The following SLC35F3 variants were observed in gnomAD, a reference collection of about 807,000 sequenced individuals.
SLC35F3 encodes solute carrier family 35 member F3, also known as putative thiamine transporter SLC35F3.
Under a neutral mutation model 49.9 loss-of-function variants are expected in SLC35F3, and 25 were observed. The ratio of observed to expected loss-of-function variants is 0.50; its 90% confidence interval spans 0.37 to 0.70. The LOEUF (loss-of-function observed/expected upper bound fraction) is 0.70, where lower values mean the gene tolerates loss of function less well. Among genes scored for constraint, SLC35F3 ranks in the 30% least tolerant of loss-of-function variants. The pLI is 0.00. For synonymous variants in SLC35F3, 275 were observed against 265.4 expected (o/e 1.04, Z -0.35); for missense variants, 525 against 639.8 (o/e 0.82, Z 1.94).
rs1205201496 is a variant in SLC35F3, at chr1:234,027,968, A to G, written c.283+122210A>G. On this transcript the variant is annotated intron_variant, in intron 2 of 7. Coordinates refer to ENST00000366618, the MANE Select transcript of SLC35F3 (RefSeq NM_173508.4). This position sits in a 1 kb window ranked among gnomAD's most constrained non-coding sequence, Gnocchi z 4.1. ...AATTCAGGAGGGGAATCGATCGCAC[A>G]GGAGTAAAGTATCAAATTTGGCCAG... Among the ~76,000 whole-genome samples the G allele has an allele frequency of 6.6e-6, 1 of 152,198 alleles. No individual in the cohort carries two copies. The highest frequency in any genetic ancestry group is 6.5e-5 in the Admixed American group (1 of 15,274).
intron 2 of SLC35F3, among the ~76,000 whole-genome samples, chr1:234,125,985 C>T (rs752402265): frequency 1.3e-5 from 2 of 152,146 alleles, no homozygotes; most frequent in African/African-American, 4.8e-5. Flanking sequence ...CAAGGAGCTC[C>T]GCCGCTCTAG....
At chr1:234,170,546 C>T (rs1053699896) in intron 2 of SLC35F3, among the ~76,000 whole-genome samples, 1 of 151,972 alleles carries the variant, frequency 6.6e-6, no homozygotes, top group African/African-American at 2.4e-5. Flanking sequence ...AAGACAACCC[C>T]GAGTAAGACC....
At chr1:234,087,247 C>T (rs1664974793) in intron 2 of SLC35F3, among the ~76,000 whole-genome samples, 1 of 152,202 alleles carries the variant, frequency 6.6e-6, no homozygotes, top group Admixed American at 6.5e-5. Context: ...TTCTTGCCCA[C>T]CTTTAGAACC....
chr1:234,252,989 A>G (rs1390200702), intron 3 of SLC35F3, among the ~76,000 whole-genome samples: 2 of 152,220 alleles, frequency 1.3e-5, no homozygotes, highest in Non-Finnish European at 2.9e-5. Flanking sequence ...TTCAACAATC[A>G]GGAACTGGCT....
chr1:234,213,845 C>T (rs1667074950), intron 2 of SLC35F3: 1 of 152,350 alleles, frequency 6.6e-6, no homozygotes, highest in African/African-American at 2.4e-5. Flanking sequence ...AAATAGCTGT[C>T]CACGGGGCCA....
At chr1:234,106,984 C>T (rs1249151859) in intron 2 of SLC35F3, among the ~76,000 whole-genome samples, 1 of 152,198 alleles carries the variant, frequency 6.6e-6, no homozygotes, top group East Asian at 1.9e-4. Context: ...TCTCCATTGG[C>T]AATATTAACA....
intron 6 of SLC35F3, among the ~76,000 whole-genome samples, chr1:234,319,503 G>A (rs923311313): frequency 6.6e-6 from 1 of 152,072 alleles, no homozygotes. Flanking sequence ...AGGAGTTCGA[G>A]ACCAGCCTGG....
intron 2 of SLC35F3, among the ~76,000 whole-genome samples, chr1:234,015,116 C>A (rs537074908): frequency 2.0e-5 from 3 of 152,146 alleles, no homozygotes; most frequent in Admixed American, 6.5e-5. Context: ...GAGGCCGAGG[C>A]GGGTGCATCA....
At chr1:233,932,430 A>T (rs1381770535) in intron 2 of SLC35F3, among the ~76,000 whole-genome samples, 1 of 152,174 alleles carries the variant, frequency 6.6e-6, no homozygotes, top group East Asian at 1.9e-4. Flanking sequence ...TATAAAGTTC[A>T]AAAACTAGCA....
Position 234,286,835 on chromosome 1 carries a change from CGTT to C in SLC35F3, c.609-22263_609-22261del, listed in dbSNP as rs1052086468. 5.3e-5 allele frequency among the ~76,000 whole-genome samples: 8 copies of C among 152,166 alleles called. 1 individual carries two copies. The highest frequency in any genetic ancestry group is 1.7e-4 in the African/African-American group (7 of 41,428). The stretch of plus-strand genomic sequence containing the variant: ...CATGACAAAGGCGGATTTCCTCAAA[CGTT>C]GTGAGTTTTGCGTTAGTTCAAAAAT... On this transcript the variant is annotated intron_variant, in intron 3 of 7. Coordinates refer to ENST00000366618, the MANE Select transcript of SLC35F3 (RefSeq NM_173508.4).
intron 3 of SLC35F3, among the ~76,000 whole-genome samples, chr1:234,299,799 C>A (rs1262738052): frequency 4.3e-5 from 3 of 70,202 alleles, no homozygotes; most frequent in African/African-American, 7.2e-5. Context: ...AGCAAGACTC[C>A]ATCTCAAAAA....
intron 2 of SLC35F3, among the ~76,000 whole-genome samples, chr1:233,928,860 C>T (rs758018256): frequency 2.1e-4 from 32 of 151,894 alleles, no homozygotes; most frequent in Admixed American, 6.6e-5. Context: ...GGCAACTTAC[C>T]CTGATCTGAT....
chr1:233,997,729 C>G (rs1163417189), intron 2 of SLC35F3, among the ~76,000 whole-genome samples: 1 of 151,960 alleles, frequency 6.6e-6, no homozygotes, highest in Non-Finnish European at 1.5e-5. Flanking sequence ...GAATGAACAA[C>G]TGCTAACATG....
intron 2 of SLC35F3, among the ~76,000 whole-genome samples, chr1:234,148,311 C>G (rs1666026298): frequency 6.6e-6 from 1 of 152,214 alleles, no homozygotes; most frequent in Non-Finnish European, 1.5e-5. Flanking sequence ...ACTTTTCAGC[C>G]ATTTCTCACT....
At chr1:234,136,084 A>G (rs1572064849) in intron 2 of SLC35F3, among the ~76,000 whole-genome samples, 1 of 152,200 alleles carries the variant, frequency 6.6e-6, no homozygotes. Flanking sequence ...TCTGGTTTTC[A>G]GAGATGTTTA....
At chr1:234,230,763 C>G (rs1344898487) in intron 2 of SLC35F3, among the ~76,000 whole-genome samples, 1 of 152,190 alleles carries the variant, frequency 6.6e-6, no homozygotes, top group Non-Finnish European at 1.5e-5. Context: ...TTAAGTAAAG[C>G]TTCGAAGTGG....
intron 2 of SLC35F3, among the ~76,000 whole-genome samples, chr1:233,962,975 A>G (rs548234090): frequency 6.6e-6 from 1 of 152,292 alleles, no homozygotes; most frequent in South Asian, 2.1e-4. Context: ...AGCAACAGTG[A>G]ATTTTGTGCA....
chr1:233,963,013 G>A (rs1413852111), intron 2 of SLC35F3, among the ~76,000 whole-genome samples: 1 of 152,176 alleles, frequency 6.6e-6, no homozygotes, highest in Non-Finnish European at 1.5e-5. Context: ...AACCATGATG[G>A]GGATGTGTCC....
chr1:233,957,646 C>T lies in SLC35F3; in HGVS notation c.283+51888C>T, dbSNP rs1393562699. Among the ~76,000 whole-genome samples the T allele has an allele frequency of 6.6e-6, 1 of 152,118 alleles. No individual in the cohort carries two copies. The highest frequency in any genetic ancestry group is 1.5e-5 in the Non-Finnish European group (1 of 68,034). On this transcript the variant is annotated intron_variant, in intron 2 of 7. Coordinates refer to ENST00000366618, the MANE Select transcript of SLC35F3 (RefSeq NM_173508.4). This position sits in a 1 kb window ranked among gnomAD's most constrained non-coding sequence, Gnocchi z 4.0. Reference sequence around the variant, plus strand: ...CCTGGCCAACACGGTGAAAGCTCGTCTCTAATTAAAGTACAAAAATTAGTT... The same window carrying T: ...CCTGGCCAACACGGTGAAAGCTCGTTTCTAATTAAAGTACAAAAATTAGTT...
Sources: gnomAD v4.1 joint callset for allele counts (sites outside exome capture counted in the v4.1 genomes callset) on GRCh38, gnomAD v4.1.1 for gene constraint, Gnocchi (gnomAD v3.1) non-coding constraint, MANE v1.5 for transcripts, NCBI Gene and HGNC (gene_info 2026-07-23, HGNC 2026-07-21) for gene names.